Variants in GPHN observed in about 807,000 individuals in gnomAD.
The protein encoded by GPHN is gephyrin.
A neutral mutation model predicts 95.5 loss-of-function variants in GPHN; 17 were observed. That is an observed-to-expected ratio of 0.18 (90% CI 0.12 to 0.27). The LOEUF is 0.27. GPHN is among the 10% of genes least tolerant of loss of function. The probability of loss-of-function intolerance (pLI) is 1.00; values close to 1 mark genes in which losing one functional copy is unlikely to be tolerated. For synonymous variants in GPHN, 320 were observed against 322.5 expected, an observed-to-expected ratio of 0.99 and a Z score of 0.08; for missense variants, 660 against 978.1, an observed-to-expected ratio of 0.67 and a Z score of 4.34.
intron 2 of GPHN, among the ~76,000 whole-genome samples, chr14:66,724,728 A>T (rs1685085273): frequency 6.6e-6 from 1 of 152,226 alleles, no homozygotes; most frequent in Non-Finnish European, 1.5e-5. Context: ...TTCAGCTTAG[A>T]ATATTCAGTA....
chr14:67,132,006 C>T (rs1411060752), intron 17 of GPHN, among the ~76,000 whole-genome samples: 1 of 152,138 alleles, frequency 6.6e-6, no homozygotes, highest in African/African-American at 2.4e-5. Flanking sequence ...ATTGCCATCA[C>T]AGAAGCCTGC....
intron 17 of GPHN, among the ~76,000 whole-genome samples, chr14:67,140,048 T>C (rs1318090446): frequency 1.3e-5 from 2 of 151,916 alleles, no homozygotes; most frequent in Admixed American, 6.6e-5. Context: ...GTCTCTGAGG[T>C]TTCACAAAAT....
chr14:67,174,283 G>T (rs527249336), intron 21 of GPHN, among the ~76,000 whole-genome samples: 1 of 122,682 alleles, frequency 8.2e-6, no homozygotes, highest in Non-Finnish European at 1.6e-5. Flanking sequence ...CCCTGTGTCC[G>T]TGTGTTCTCA....
chr14:67,282,083 G>A, the GPHN span, among the ~76,000 whole-genome samples: 1 of 152,134 alleles, frequency 6.6e-6, no homozygotes, highest in Admixed American at 6.5e-5. Context: ...AGTCAACACA[G>A]ATATCTGTTA....
chr14:67,403,660 C>T, the GPHN span, among the ~76,000 whole-genome samples: 13 of 152,204 alleles, frequency 8.5e-5, no homozygotes, highest in African/African-American at 2.4e-4. Flanking sequence ...AGATGTACTA[C>T]GTAGACAAGA....
intron 8 of GPHN, among the ~76,000 whole-genome samples, chr14:66,952,755 C>G (rs2068187174): frequency 6.6e-6 from 1 of 152,082 alleles, no homozygotes; most frequent in South Asian, 2.1e-4. Flanking sequence ...TGTGCAGTGG[C>G]CCAATCTCGG....
the GPHN span, among the ~76,000 whole-genome samples, chr14:67,639,924 CAAAAA>C: frequency 5.5e-3 from 339 of 61,858 alleles, 11 homozygotes; most frequent in East Asian, 0.13. Context: ...GACCCTGTCT[CAAAAA>C]AAAAAAAAAA....
the GPHN span, among the ~76,000 whole-genome samples, chr14:67,435,529 C>T: frequency 6.6e-6 from 1 of 152,204 alleles, no homozygotes; most frequent in Non-Finnish European, 1.5e-5. Flanking sequence ...CAGGGTATGG[C>T]GGCTAAAGTC....
intron 10 of GPHN, among the ~76,000 whole-genome samples, chr14:67,051,937 G>A (rs1371136667): frequency 6.6e-6 from 1 of 152,178 alleles, no homozygotes; most frequent in Non-Finnish European, 1.5e-5. Flanking sequence ...CACCAGGCCT[G>A]CCTTGCAGGA....
the GPHN span, among the ~76,000 whole-genome samples, chr14:67,453,100 G>A: frequency 6.6e-6 from 1 of 152,192 alleles, no homozygotes; most frequent in Non-Finnish European, 1.5e-5. Flanking sequence ...GTGACATGTC[G>A]CCCCAGGAAG....
At chr14:67,341,725 G>A in the GPHN span, among the ~76,000 whole-genome samples, 85 of 152,336 alleles carry the variant, frequency 5.6e-4, no homozygotes, top group Middle Eastern at 0.01. Context: ...TGACAATGGC[G>A]GTTTTGTGGA....
At chr14:67,583,552 G>T in the GPHN span, among the ~76,000 whole-genome samples, 401 of 152,262 alleles carry the variant, frequency 2.6e-3, 5 homozygotes, top group African/African-American at 9.4e-3. Flanking sequence ...TAATATTCGA[G>T]GGCCCTAAGT....
chr14:67,429,230 ATTTT>A, the GPHN span, among the ~76,000 whole-genome samples: 2 of 134,624 alleles, frequency 1.5e-5, no homozygotes, highest in Admixed American at 7.4e-5. Flanking sequence ...CAAGTGGACA[ATTTT>A]TTTTTTTTTT....
the GPHN span, among the ~76,000 whole-genome samples, chr14:67,257,911 G>T: frequency 6.6e-6 from 1 of 152,032 alleles, no homozygotes; most frequent in East Asian, 1.9e-4. Context: ...TATATTAGGG[G>T]CCCCTTATAT....
chr14:67,725,735 C>T, the GPHN span, among the ~76,000 whole-genome samples: 9 of 152,148 alleles, frequency 5.9e-5, no homozygotes, highest in Admixed American at 2.0e-4. Context: ...GGCTCAGAGT[C>T]GGTAGTTAGT....
chr14:66,737,125 C>T (rs2072365997), intron 2 of GPHN, among the ~76,000 whole-genome samples: 1 of 152,152 alleles, frequency 6.6e-6, no homozygotes, highest in South Asian at 2.1e-4. Flanking sequence ...TCTAATAATT[C>T]TAATATTTAC....
chr14:67,125,062 C>T (rs894064676), intron 17 of GPHN, among the ~76,000 whole-genome samples: 11 of 151,796 alleles, frequency 7.2e-5, no homozygotes, highest in Non-Finnish European at 1.6e-4. Flanking sequence ...AGTGAATGTA[C>T]AAATCTCTAG....
chr14:66,536,634 A>G (rs1217500432), intron 1 of GPHN, among the ~76,000 whole-genome samples: 1 of 152,184 alleles, frequency 6.6e-6, no homozygotes, highest in Admixed American at 6.5e-5. Context: ...GATACGTTTC[A>G]TGTGTACTTG....
the GPHN span, among the ~76,000 whole-genome samples, chr14:67,492,425 G>C: frequency 6.6e-6 from 1 of 152,316 alleles, no homozygotes; most frequent in African/African-American, 2.4e-5. Context: ...AGACCAGCAA[G>C]CCTTCTCCTG....
Sources: gnomAD v4.1 joint callset for allele counts (sites outside exome capture counted in the v4.1 genomes callset) on GRCh38, gnomAD v4.1.1 for gene constraint, MANE v1.5 for transcripts, NCBI Gene and HGNC (gene_info 2026-07-23, HGNC 2026-07-21) for gene names.